Variants in MICALL1 observed in about 807,000 individuals in gnomAD.
MICALL1 encodes MICAL like 1.
A neutral mutation model predicts 83.7 loss-of-function variants in MICALL1; 61 were observed. That is an observed-to-expected ratio of 0.73 (90% CI 0.59 to 0.90). MICALL1 has a LOEUF of 0.90. Among genes scored for constraint, MICALL1 ranks in the 40% least tolerant of loss-of-function variants. The pLI is 0.00. For synonymous variants in MICALL1, 481 were observed against 473.6 expected (o/e 1.02, Z -0.20); for missense variants, 1,066 against 1,152.0 (o/e 0.93, Z 1.08).
At chr22:37,933,357 T>C (rs1929908505) in intron 13 of MICALL1, among the ~76,000 whole-genome samples, 1 of 152,032 alleles carries the variant, frequency 6.6e-6, no homozygotes, top group East Asian at 1.9e-4. Flanking sequence ...GGTGTGGACG[T>C]CCGAGGGACC....
At position 37,930,651 on chromosome 22, in the gene MICALL1, C is replaced by G. The variant is rs1929740363; in HGVS notation, c.1882-1148C>G. ...ACATTGCCCGTGTGGTGGGCAGGGC[C>G]TTGCCGTGCCCTGGCAGTGGAGCTG... On this transcript the variant is annotated intron_variant, in intron 9 of 15. Coordinates refer to ENST00000215957, the MANE Select transcript of MICALL1 (RefSeq NM_033386.4). This position sits in a 1 kb window ranked among gnomAD's most constrained non-coding sequence, Gnocchi z 4.8. Among the ~76,000 whole-genome samples, 1 of 152,240 alleles carries G rather than the reference C, an allele frequency of 6.6e-6. No homozygotes were observed. The highest frequency in any genetic ancestry group is 2.4e-5 in the African/African-American group (1 of 41,474).
At chr22:37,928,875 G>T (rs535285147) in intron 9 of MICALL1, among the ~76,000 whole-genome samples, 2 of 152,322 alleles carry the variant, frequency 1.3e-5, no homozygotes, top group East Asian at 3.9e-4. Context: ...TGTAATCCCA[G>T]CACTTTGGAG....
At position 37,930,348 on chromosome 22, in the gene MICALL1, C is replaced by T. The variant is rs1277463052; in HGVS notation, c.1882-1451C>T. On this transcript the variant is annotated intron_variant, in intron 9 of 15. Coordinates refer to ENST00000215957, the MANE Select transcript of MICALL1 (RefSeq NM_033386.4). This position sits in a 1 kb window ranked among gnomAD's most constrained non-coding sequence, Gnocchi z 4.8. ...GGGGCCTTGGGGTGCCACCCTGGGT[C>T]ATTGGGTGGGTGCTGCCCTGTGGGA... Among the ~76,000 whole-genome samples the T allele has an allele frequency of 2.6e-5, 4 of 152,122 alleles. No individual in the cohort carries two copies. The highest frequency in any genetic ancestry group is 1.3e-4 in the Admixed American group (2 of 15,286).
At chr22:37,911,916 C>A in intron 1 of MICALL1, 36 bp from the exon 2 acceptor site, 1 of 1,611,876 alleles carries the variant, frequency 6.2e-7, no homozygotes, top group Non-Finnish European at 8.5e-7. Flanking sequence ...AGTCACCTCC[C>A]CTCTTGACCA....
intron 13 of MICALL1, among the ~76,000 whole-genome samples, chr22:37,936,169 C>T (rs1930112496): frequency 6.6e-6 from 1 of 152,176 alleles, no homozygotes; most frequent in African/African-American, 2.4e-5. Context: ...GGGGGTGGTC[C>T]TGTGGGTTGG....
At position 37,927,629 on chromosome 22, in the gene MICALL1, T is replaced by C; in HGVS notation, c.1684T>C (p.Ser562Pro). 2.5e-6 allele frequency: 4 copies of C among 1,614,024 alleles called. No homozygotes were observed. Among genetic ancestry groups the C allele is most frequent in the Non-Finnish European group, 3.4e-6 (4 of 1,179,918 alleles). Residue 562 changes from serine (S) to proline (P), a missense_variant, in exon 9 of 16, where the codon TCC (serine) becomes CCC (proline). Transcript: ENST00000215957. ...VSLSTNSSLA[S>P]SGELVEPRVE... ...CCTCTCTACCAACTCCTCCCTGGCC[T>C]CCTCTGGGGAACTAGTGGAGCCTAG...
At position 37,933,131 on chromosome 22, in the gene MICALL1, A is replaced by G; in HGVS notation, c.2308+19A>G. The G allele has an allele frequency of 1.2e-6, 2 of 1,612,114 alleles. No homozygotes were observed. Among genetic ancestry groups the G allele is most frequent in the Non-Finnish European group, 1.7e-6 (2 of 1,179,206 alleles). On this transcript the variant is annotated intron_variant, in intron 13 of 15. Transcript: ENST00000215957. ...AAGCCAGGTGAGTGCAGCCACTGGC[A>G]CTCCCCTGGCACCTGCCCTGGGGCC...
chr22:37,937,207 GGGGTGGGGGGTC>G lies in MICALL1; in HGVS notation c.2423+14_2423+25del. ...AGGACCGGCAGAGGTGACATGGCCAGGGGTGGGGGGTCCTGGGGGCAGGGCCAGAGCAGGTCA... is the reference window on the plus strand; with the variant it reads ...AGGACCGGCAGAGGTGACATGGCCAGCTGGGGGCAGGGCCAGAGCAGGTCA... On this transcript the variant is annotated intron_variant, in intron 14 of 15. Transcript: ENST00000215957. 1.3e-6 allele frequency: 2 copies of G among 1,547,140 alleles called. No homozygotes were observed. Among genetic ancestry groups the G allele is most frequent in the Non-Finnish European group, 1.7e-6 (2 of 1,143,848 alleles).
rs781777358 is a variant in MICALL1, at chr22:37,927,452, G to A, written c.1507G>A (p.Ala503Thr). 4.1e-5 allele frequency: 66 copies of A among 1,601,640 alleles called. No homozygotes were observed. The highest frequency in any genetic ancestry group is 5.4e-5 in the Non-Finnish European group (63 of 1,171,958). Residue 503 changes from alanine (A) to threonine (T), a missense_variant, in exon 9 of 16, where the codon GCC becomes ACC. Transcript: ENST00000215957. ...CCTCTCGCACTCGGAGCCGCCCTCG[G>A]CCACACCATCGCCAGCGCTCAGCGT... The part of the protein sequence containing the change: ...SRLSHSEPPS[A>T]TPSPALSVES...
chr22:37,910,484 G>T (rs1023661890), intron 1 of MICALL1, among the ~76,000 whole-genome samples: 2 of 152,140 alleles, frequency 1.3e-5, no homozygotes, highest in Non-Finnish European at 2.9e-5. Flanking sequence ...GGAGACAGAG[G>T]TTTCGAGAGG....
chr22:37,912,877 G>C (rs1304215460), intron 3 of MICALL1, among the ~76,000 whole-genome samples: 4 of 151,874 alleles, frequency 2.6e-5, no homozygotes. Context: ...TGGCCAGGCT[G>C]GTCTCAAACT....
At chr22:37,913,374 G>C (rs540268337) in intron 3 of MICALL1, among the ~76,000 whole-genome samples, 1 of 152,332 alleles carries the variant, frequency 6.6e-6, no homozygotes, top group East Asian at 1.9e-4. Flanking sequence ...ACACCCACCA[G>C]AAAATGAACA....
At position 37,939,144 on chromosome 22, in the gene MICALL1, A is replaced by C. The variant is rs560147426; in HGVS notation, c.2470+1352A>C. On this transcript the variant is annotated intron_variant, in intron 15 of 15. Transcript: ENST00000215957. The stretch of plus-strand genomic sequence containing the variant: ...GACTCAGGCCAAGTCAGACTACTTG[A>C]GTTCTAGTCCCAGCTCTGGCACTTA... 1.4e-4 allele frequency among the ~76,000 whole-genome samples: 21 copies of C among 152,192 alleles called. 1 individual carries two copies. In the South Asian group the frequency reaches 4.4e-3, roughly 32 times the overall value.
Position 37,925,754 on chromosome 22 carries a change from G to C in MICALL1, c.1176G>C (p.Pro392=), listed in dbSNP as rs772955232. The change falls in exon 8 of 16, where the codon CCG becomes CCC. Residue 392 remains proline, a synonymous_variant. Transcript: ENST00000215957. ...KPAPLPPSSS[P]GPPSQDSRQV... ...CCCCACTTCCCCCAAGCAGCAGCCC[G>C]GGGCCACCAAGCCAGGACAGCAGGC... is the stretch of plus-strand genomic sequence containing the variant. The C allele has an allele frequency of 6.2e-7, 1 of 1,612,476 alleles. No individual in the cohort carries two copies. Among genetic ancestry groups the C allele is most frequent in the Admixed American group, 1.7e-5 (1 of 59,936 alleles).
Position 37,933,115 on chromosome 22 carries a change from G to T in MICALL1, c.2308+3G>T, listed in dbSNP as rs369041931. ...CCGGTGCCTCCTCAATAAGCCAGGT[G>T]AGTGCAGCCACTGGCACTCCCCTGG... On this transcript the variant is annotated splice_donor_region_variant and intron_variant, in intron 13 of 15. Coordinates refer to ENST00000215957, the MANE Select transcript of MICALL1 (RefSeq NM_033386.4). 1.1e-5 allele frequency: 17 copies of T among 1,613,498 alleles called. No homozygotes were observed. Among genetic ancestry groups the T allele is most frequent in the Non-Finnish European group, 1.4e-5 (17 of 1,179,990 alleles).
intron 6 of MICALL1, among the ~76,000 whole-genome samples, chr22:37,923,609 G>A (rs1452683943): frequency 6.6e-6 from 1 of 152,194 alleles, no homozygotes; most frequent in Non-Finnish European, 1.5e-5. Flanking sequence ...CTGGGACGGT[G>A]CAAACAATAC....
intron 1 of MICALL1, among the ~76,000 whole-genome samples, chr22:37,909,667 G>A (rs1166521186): frequency 6.6e-6 from 1 of 152,216 alleles, no homozygotes; most frequent in Non-Finnish European, 1.5e-5. Flanking sequence ...CAACCACGTA[G>A]GTTTTAAGCA....
At chr22:37,911,787 A>C (rs878857742) in intron 1 of MICALL1, among the ~76,000 whole-genome samples, 165 bp from the exon 2 acceptor site, 1 of 152,002 alleles carries the variant, frequency 6.6e-6, no homozygotes, top group Admixed American at 6.6e-5. Context: ...TTGCTGCCTC[A>C]GTTTCCCCCT....
intron 2 of MICALL1, 89 bp downstream of exon 2, chr22:37,912,089 C>G: frequency 2.0e-6 from 3 of 1,483,848 alleles, no homozygotes; most frequent in East Asian, 2.3e-5. Context: ...AGGGGTCTTG[C>G]ACGGTGGCTG....
Sources: gnomAD v4.1 joint callset for allele counts (sites outside exome capture counted in the v4.1 genomes callset) on GRCh38, gnomAD v4.1.1 for gene constraint, Gnocchi (gnomAD v3.1) non-coding constraint, MANE v1.5 for transcripts, NCBI Gene and HGNC (gene_info 2026-07-23, HGNC 2026-07-21) for gene names.